The following TMEM200A variants were observed in gnomAD, a reference collection of about 807,000 sequenced individuals.
TMEM200A encodes two transmembrane C.
Under a neutral mutation model 24.3 loss-of-function variants are expected in TMEM200A, and 12 were observed. The observed-to-expected ratio is 0.49, with a 90% CI of 0.32 to 0.80. The LOEUF is 0.80. Among genes scored for constraint, TMEM200A ranks in the 30% least tolerant of loss-of-function variants. TMEM200A has a pLI of 0.04. For missense variants in TMEM200A, 545 were observed against 614.4 expected (o/e 0.89, Z 1.19); for synonymous variants, 224 against 224.4 (o/e 1.00, Z 0.02).
chr6:130,441,582 C>A lies in TMEM200A; in HGVS notation c.1160C>A (p.Ser387Tyr). The A allele has an allele frequency of 6.2e-7, 1 of 1,614,042 alleles. No homozygotes were observed. The highest frequency in any genetic ancestry group is 2.2e-5 in the East Asian group (1 of 44,846). Residue 387 changes from serine to tyrosine, a missense_variant, in exon 3 of 3, where the codon TCC becomes TAC. Ser to Tyr is a moderately radical substitution (Grantham distance 144). Transcript: ENST00000296978. Reference sequence around the variant, plus strand: ...AGAAGACAGTTTGGGTCCAATACATCCTTGCATTTGCTCTCGTCACACTCA... The same window carrying A: ...AGAAGACAGTTTGGGTCCAATACATACTTGCATTTGCTCTCGTCACACTCA... ...AARRQFGSNT[S>Y]LHLLSSHSKS...
chr6:130,367,173 T>A (rs1238257947), intron 1 of TMEM200A, among the ~76,000 whole-genome samples: 1 of 152,224 alleles, frequency 6.6e-6, no homozygotes, highest in African/African-American at 2.4e-5. Flanking sequence ...CATTGTTCAG[T>A]ACCGGGCATT....
chr6:130,417,545 T>C (rs1779485465), intron 2 of TMEM200A, among the ~76,000 whole-genome samples: 1 of 152,132 alleles, frequency 6.6e-6, no homozygotes, highest in Non-Finnish European at 1.5e-5. Context: ...CTTTGTATTA[T>C]ATGGAAGGTA....
At chr6:130,381,758 A>G (rs1454166353) in intron 1 of TMEM200A, 1 of 210,552 alleles carries the variant, frequency 4.7e-6, no homozygotes, top group Non-Finnish European at 8.2e-6. Flanking sequence ...AAGTTTATGG[A>G]AAGACCATGT....
chr6:130,389,908 T>C (rs1213414394), intron 2 of TMEM200A, among the ~76,000 whole-genome samples: 1 of 152,236 alleles, frequency 6.6e-6, no homozygotes, highest in African/African-American at 2.4e-5. Flanking sequence ...TCTTTGTTAA[T>C]ATATTTTACT....
chr6:130,385,460 A>G (rs542832218), intron 2 of TMEM200A, among the ~76,000 whole-genome samples: 1 of 152,332 alleles, frequency 6.6e-6, no homozygotes, highest in East Asian at 1.9e-4. Context: ...AAATTAAGAT[A>G]GAGATAGGTC....
At chr6:130,415,637 C>T (rs1233119295) in intron 2 of TMEM200A, among the ~76,000 whole-genome samples, 3 of 152,142 alleles carry the variant, frequency 2.0e-5, no homozygotes, top group Admixed American at 6.6e-5. Flanking sequence ...TCCACCCCTC[C>T]CATGCTCACG....
intron 1 of TMEM200A, among the ~76,000 whole-genome samples, chr6:130,368,637 C>T (rs972753235): frequency 6.6e-6 from 1 of 152,136 alleles, no homozygotes; most frequent in Non-Finnish European, 1.5e-5. Flanking sequence ...TCAGTGAGTG[C>T]TTATTGTGGT....
At chr6:130,417,226 G>C (rs1000257068) in intron 2 of TMEM200A, among the ~76,000 whole-genome samples, 2 of 152,130 alleles carry the variant, frequency 1.3e-5, no homozygotes, top group Non-Finnish European at 2.9e-5. Context: ...TTAAATATTT[G>C]TTAGATGAAT....
rs554267183 is a variant in TMEM200A at position 130,422,755 on chromosome 6, T to G, written c.-16-17652T>G. 2.0e-5 allele frequency among the ~76,000 whole-genome samples: 3 copies of G among 152,328 alleles called. No homozygotes were observed. The South Asian group carries it at 6.2e-4, about 32-fold the overall frequency. On this transcript the variant is annotated intron_variant, in intron 2 of 2. Coordinates refer to ENST00000296978, the MANE Select transcript of TMEM200A (RefSeq NM_001258277.2). Reference sequence around the variant, plus strand: ...CTTAGAGAGGGTTTCCCACTCAGCATTTAATGCAAGTTGCATATGGCCAAA... The same window carrying G: ...CTTAGAGAGGGTTTCCCACTCAGCAGTTAATGCAAGTTGCATATGGCCAAA...
At chr6:130,398,782 GTCT>G (rs753508501) in intron 2 of TMEM200A, among the ~76,000 whole-genome samples, 18 of 151,984 alleles carry the variant, frequency 1.2e-4, no homozygotes, top group Middle Eastern at 3.4e-3. Flanking sequence ...CTTCATGTGT[GTCT>G]TCTTCTGAGA....
rs201003025 is a variant in TMEM200A at position 130,441,152 on chromosome 6, C to A, written c.730C>A (p.Pro244Thr). The change falls in exon 3 of 3, where the codon CCC becomes ACC. Residue 244 changes from proline (P) to threonine (T), a missense_variant. Pro to Thr is a conservative substitution (Grantham distance 38). Coordinates refer to ENST00000296978, the MANE Select transcript of TMEM200A (RefSeq NM_001258277.2). Reference protein sequence around the residue: ...NEGKSSGHLMPPLLSDSSVSV... With the variant: ...NEGKSSGHLMTPLLSDSSVSV... ...AGGTAAGAGTTCTGGGCATCTTATG[C>A]CCCCTTTGCTCTCTGACAGCTCTGT... 3 of 1,613,990 alleles carry A rather than the reference C, an allele frequency of 1.9e-6. No individual in the cohort carries two copies. The highest frequency in any genetic ancestry group is 2.5e-6 in the Non-Finnish European group (3 of 1,179,958).
At chr6:130,402,822 G>A (rs1388211505) in intron 2 of TMEM200A, among the ~76,000 whole-genome samples, 1 of 152,062 alleles carries the variant, frequency 6.6e-6, no homozygotes, top group East Asian at 1.9e-4. Context: ...TCTATTAGAA[G>A]TTTTATTTAT....
rs1363688000 is a variant in TMEM200A at position 130,441,180 on chromosome 6, CTG to C, written c.760_761del (p.Val254LeufsTer12). 6.2e-7 allele frequency: 1 copy of C among 1,614,062 alleles called. No individual in the cohort carries two copies. Among genetic ancestry groups the C allele is most frequent in the Non-Finnish European group, 8.5e-7 (1 of 1,179,978 alleles). ...CCTTTGCTCTCTGACAGCTCTGTGTCTGTCTTTGGCCTCTATCCACCTCCTTC... is the reference window on the plus strand; with the variant it reads ...CCTTTGCTCTCTGACAGCTCTGTGTCTCTTTGGCCTCTATCCACCTCCTTC... On this transcript the variant is annotated frameshift_variant, in exon 3 of 3. Coordinates refer to ENST00000296978, the MANE Select transcript of TMEM200A (RefSeq NM_001258277.2). LOFTEE classifies it high-confidence loss of function.
chr6:130,377,927 G>T (rs572993199), intron 1 of TMEM200A, among the ~76,000 whole-genome samples: 1 of 152,302 alleles, frequency 6.6e-6, no homozygotes, highest in African/African-American at 2.4e-5. Flanking sequence ...CTCTGATAAG[G>T]TCTGACATTT....
chr6:130,392,689 A>G (rs1217350932), intron 2 of TMEM200A, among the ~76,000 whole-genome samples: 1 of 152,106 alleles, frequency 6.6e-6, no homozygotes, highest in Non-Finnish European at 1.5e-5. Context: ...TGTTGAGCTA[A>G]CATGTACTCA....
intron 1 of TMEM200A, among the ~76,000 whole-genome samples, chr6:130,371,187 A>G (rs1466778106): frequency 1.3e-5 from 2 of 152,156 alleles, no homozygotes; most frequent in Non-Finnish European, 2.9e-5. Flanking sequence ...TGAAATGGCT[A>G]TGCGTGGTAG....
At chr6:130,414,820 T>C (rs549449807) in intron 2 of TMEM200A, among the ~76,000 whole-genome samples, 60 of 152,282 alleles carry the variant, frequency 3.9e-4, no homozygotes, top group Non-Finnish European at 6.5e-4. Flanking sequence ...GAACAAAATG[T>C]TCCCTTTATA....
chr6:130,417,514 G>A (rs1018654153), intron 2 of TMEM200A, among the ~76,000 whole-genome samples: 1 of 152,074 alleles, frequency 6.6e-6, no homozygotes, highest in African/African-American at 2.4e-5. Context: ...CTGAACAAGT[G>A]GAAAGGATTC....
At chr6:130,400,035 A>G (rs947993071) in intron 2 of TMEM200A, among the ~76,000 whole-genome samples, 7 of 151,938 alleles carry the variant, frequency 4.6e-5, no homozygotes, top group African/African-American at 1.7e-4. Context: ...TTATGGCTGC[A>G]TAGTATTCCA....
Sources: allele counts gnomAD v4.1 joint callset (sites outside exome capture counted in the v4.1 genomes callset), GRCh38; gene constraint gnomAD v4.1.1; transcripts MANE v1.5; gene names NCBI Gene and HGNC (gene_info 2026-07-23, HGNC 2026-07-21).